RHOU: variants seen among roughly 807,000 people sequenced by gnomAD.
RHOU encodes rho-related GTP-binding protein RhoU.
Under a neutral mutation model 12.6 loss-of-function variants are expected in RHOU, and 8 were observed. That is an observed-to-expected ratio of 0.64 (90% confidence interval 0.37 to 1.15). RHOU has a LOEUF of 1.15. Among genes scored for constraint, RHOU ranks in the 50% most tolerant of loss-of-function variants. The probability of loss-of-function intolerance (pLI) is 0.01; values close to 1 mark genes in which losing one functional copy is unlikely to be tolerated. For missense variants in RHOU, 258 were observed against 347.0 expected (o/e 0.74, Z 2.04); for synonymous variants, 161 against 147.4 (o/e 1.09, Z -0.67).
chr1:228,737,635 A>C lies in RHOU; in HGVS notation c.263-38A>C. ...TATTAGTATTCCGAAAGGGGTTAAA[A>C]GACACCTCCTGATTGTCATTTTGGT... On this transcript the variant is annotated intron_variant, in intron 1 of 2. Coordinates refer to ENST00000366691, the MANE Select transcript of RHOU (RefSeq NM_021205.6). The surrounding 1 kb of genome is among the most constrained non-coding windows in gnomAD (Gnocchi z 4.1). The C allele has an allele frequency of 6.2e-7, 1 of 1,604,504 alleles. No homozygotes were observed.
intron 2 of RHOU, among the ~76,000 whole-genome samples, chr1:228,740,482 T>G (rs1279592894): frequency 1.3e-5 from 2 of 150,124 alleles, no homozygotes; most frequent in African/African-American, 5.0e-5. Context: ...AGTTGTTCTG[T>G]TTTTGTTTTC....
the RHOU span, among the ~76,000 whole-genome samples, chr1:228,717,619 T>C: frequency 6.6e-6 from 1 of 152,340 alleles, no homozygotes; most frequent in East Asian, 1.9e-4. Flanking sequence ...CAAGGTGAAA[T>C]ACTGTTACTG....
the RHOU span, among the ~76,000 whole-genome samples, chr1:228,665,599 A>T: frequency 5.9e-5 from 9 of 152,220 alleles, no homozygotes; most frequent in African/African-American, 2.2e-4. Flanking sequence ...ATCTTTGAGT[A>T]GAGTGGGATG....
the RHOU span, among the ~76,000 whole-genome samples, chr1:228,688,163 G>A: frequency 1.3e-5 from 2 of 152,160 alleles, no homozygotes; most frequent in Non-Finnish European, 2.9e-5. Context: ...ATGAAGATGA[G>A]CTATTGTGAC....
At chr1:228,710,079 T>C in the RHOU span, among the ~76,000 whole-genome samples, 2 of 152,120 alleles carry the variant, frequency 1.3e-5, no homozygotes, top group African/African-American at 4.8e-5. Flanking sequence ...ATAAATTCCT[T>C]GACATATACA....
chr1:228,722,962 C>G, the RHOU span, among the ~76,000 whole-genome samples: 1 of 152,194 alleles, frequency 6.6e-6, no homozygotes, highest in African/African-American at 2.4e-5. Context: ...CCCAATGCTC[C>G]AGGTAGATCA....
At chr1:228,701,060 G>A in the RHOU span, among the ~76,000 whole-genome samples, 364 of 152,290 alleles carry the variant, frequency 2.4e-3, 1 homozygote, top group Admixed American at 3.8e-3. Context: ...CTGCACTCTA[G>A]CCTGGGCAAC....
upstream of RHOU, among the ~76,000 whole-genome samples, chr1:228,733,866 G>C (rs755305768): frequency 1.3e-5 from 2 of 152,206 alleles, no homozygotes; most frequent in Non-Finnish European, 2.9e-5. Flanking sequence ...CAGGGCGAGG[G>C]AGAGGCAAGT....
the RHOU span, among the ~76,000 whole-genome samples, chr1:228,646,779 C>G: frequency 2.6e-5 from 4 of 152,032 alleles, no homozygotes; most frequent in Admixed American, 1.3e-4. Flanking sequence ...GGAACCCGCA[C>G]GCGAGCACGG....
chr1:228,740,298 A>G (rs1025015708), intron 2 of RHOU, among the ~76,000 whole-genome samples: 9 of 152,202 alleles, frequency 5.9e-5, no homozygotes, highest in Non-Finnish European at 8.8e-5. Flanking sequence ...AATATTTTCA[A>G]TGAGATTTAC....
the RHOU span, among the ~76,000 whole-genome samples, chr1:228,672,040 C>CA: frequency 6.6e-6 from 1 of 152,172 alleles, no homozygotes; most frequent in African/African-American, 2.4e-5. Flanking sequence ...GCACACAAAT[C>CA]AAAAGAGTTC....
At chr1:228,703,778 AG>A in the RHOU span, among the ~76,000 whole-genome samples, 9 of 152,222 alleles carry the variant, frequency 5.9e-5, no homozygotes, top group African/African-American at 2.2e-4. Context: ...CACTGTATCC[AG>A]GATAGCTTTC....
the RHOU span, among the ~76,000 whole-genome samples, chr1:228,700,042 T>A: frequency 6.6e-6 from 1 of 152,200 alleles, no homozygotes; most frequent in African/African-American, 2.4e-5. Flanking sequence ...GATAGTTTTA[T>A]CTTTTTTTAT....
upstream of RHOU, among the ~76,000 whole-genome samples, chr1:228,730,574 C>T (rs972058369): frequency 2.0e-5 from 3 of 152,200 alleles, no homozygotes; most frequent in African/African-American, 7.2e-5. Flanking sequence ...TAGCCGAGAA[C>T]CATACAAAGA....
the RHOU span, among the ~76,000 whole-genome samples, chr1:228,669,254 TG>T: frequency 2.0e-4 from 30 of 152,206 alleles, no homozygotes; most frequent in Non-Finnish European, 3.4e-4. Context: ...ATTTGCAGTG[TG>T]GTTCTTACTG....
chr1:228,693,736 G>T, the RHOU span, among the ~76,000 whole-genome samples: 2 of 152,134 alleles, frequency 1.3e-5, no homozygotes, highest in Non-Finnish European at 2.9e-5. Flanking sequence ...AAAGTGCTGG[G>T]ATTACAGGCA....
chr1:228,718,591 T>G, the RHOU span, among the ~76,000 whole-genome samples: 3 of 152,208 alleles, frequency 2.0e-5, no homozygotes, highest in Admixed American at 6.5e-5. Context: ...GATAAAGAAA[T>G]GGGTTGAAAC....
the RHOU span, among the ~76,000 whole-genome samples, chr1:228,693,385 G>A: frequency 4.6e-5 from 7 of 152,166 alleles, no homozygotes; most frequent in East Asian, 3.8e-4. Context: ...TTGAAGTGTG[G>A]TAAAGGAAGA....
At chr1:228,690,906 G>T in the RHOU span, among the ~76,000 whole-genome samples, 5 of 152,164 alleles carry the variant, frequency 3.3e-5, no homozygotes, top group African/African-American at 1.2e-4. Flanking sequence ...GTGAGCCTCC[G>T]TGCATGGTGG....
Sources: allele counts gnomAD v4.1 joint callset (sites outside exome capture counted in the v4.1 genomes callset), GRCh38; gene constraint gnomAD v4.1.1; non-coding constraint Gnocchi (gnomAD v3.1); transcripts MANE v1.5; gene names NCBI Gene and HGNC (gene_info 2026-07-23, HGNC 2026-07-21).